PCDHGA11: variants seen among roughly 807,000 people sequenced by gnomAD.
PCDHGA11 encodes the protein protocadherin gamma-A11.
Under a neutral mutation model 60.4 loss-of-function variants are expected in PCDHGA11, and 39 were observed. The ratio of observed to expected loss-of-function variants is 0.65; its 90% CI spans 0.50 to 0.84. The LOEUF (loss-of-function observed/expected upper bound fraction) is 0.84. Ranked by LOEUF, PCDHGA11 falls within the 40% of genes least tolerant of loss-of-function variation. The pLI, the probability that PCDHGA11 is intolerant of heterozygous loss-of-function variation, is 0.00. For synonymous variants in PCDHGA11, 533 were observed against 510.3 expected, an observed-to-expected ratio of 1.04 and a Z score of -0.60; for missense variants, 1,165 against 1,197.7, an observed-to-expected ratio of 0.97 and a Z score of 0.40.
rs368371918 is a variant in PCDHGA11 at position 141,432,800 on chromosome 5, C to G, written c.2433+9140C>G. Reference sequence around the variant, plus strand: ...GGCGGACCTCGGCAGCCTCGAGTCTCCAGCTAACTCTGAAACCTCAGACCT... The same window carrying G: ...GGCGGACCTCGGCAGCCTCGAGTCTGCAGCTAACTCTGAAACCTCAGACCT... On this transcript the variant is annotated intron_variant, in intron 1 of 3. Coordinates refer to ENST00000398587, the MANE Select transcript of PCDHGA11 (RefSeq NM_018914.3). This position sits in a 1 kb window ranked among gnomAD's most constrained non-coding sequence, Gnocchi z 6.0. The G allele has an allele frequency of 9.9e-6, 16 of 1,614,038 alleles. No individual in the cohort carries two copies. Among genetic ancestry groups the G allele is most frequent in the Non-Finnish European group, 1.3e-5 (15 of 1,180,016 alleles).
chr5:141,432,366 A>T lies in PCDHGA11; in HGVS notation c.2433+8706A>T. The T allele has an allele frequency of 6.2e-7, 1 of 1,614,204 alleles. No homozygotes were observed. Among genetic ancestry groups the T allele is most frequent in the Non-Finnish European group, 8.5e-7 (1 of 1,180,034 alleles). On this transcript the variant is annotated intron_variant, in intron 1 of 3. Coordinates refer to ENST00000398587, the MANE Select transcript of PCDHGA11 (RefSeq NM_018914.3). This position sits in a 1 kb window ranked among gnomAD's most constrained non-coding sequence, Gnocchi z 6.0. Reference sequence around the variant, plus strand: ...TTGCAAGTGAAAGTGATGGCGCGGGACAACGGGCACCCGCCCCTCAGCAGC... The same window carrying T: ...TTGCAAGTGAAAGTGATGGCGCGGGTCAACGGGCACCCGCCCCTCAGCAGC...
Position 141,477,889 on chromosome 5 carries a change from A to T in PCDHGA11, c.2434-16918A>T. 1 of 1,614,152 alleles carries T rather than the reference A, an allele frequency of 6.2e-7. No homozygotes were observed. Among genetic ancestry groups the T allele is most frequent in the Admixed American group, 1.7e-5 (1 of 60,016 alleles). On this transcript the variant is annotated intron_variant, in intron 1 of 3. Coordinates refer to ENST00000398587, the MANE Select transcript of PCDHGA11 (RefSeq NM_018914.3). This position sits in a 1 kb window ranked among gnomAD's most constrained non-coding sequence, Gnocchi z 4.9. The stretch of plus-strand genomic sequence containing the variant: ...GTACCTCAGCTGGCCACCTAGTGTC[A>T]CGGGTGGTAGGCTGGGACGCGGATG...
At position 141,485,430 on chromosome 5, in the gene PCDHGA11, T is replaced by C; in HGVS notation, c.2434-9377T>C. The C allele has an allele frequency of 6.2e-7, 1 of 1,614,138 alleles. No individual in the cohort carries two copies. Among genetic ancestry groups the C allele is most frequent in the Non-Finnish European group, 8.5e-7 (1 of 1,180,022 alleles). On this transcript the variant is annotated intron_variant, in intron 1 of 3. Transcript: ENST00000398587. The surrounding 1 kb of genome is among the most constrained non-coding windows in gnomAD (Gnocchi z 5.7). ...GATTTGGACAGCGGAGCCCTGCTCA[T>C]CAAGAACCCAATCGACCGAGAGGCA... is the stretch of plus-strand genomic sequence containing the variant.
chr5:141,478,302 C>T lies in PCDHGA11; in HGVS notation c.2434-16505C>T. On this transcript the variant is annotated intron_variant, in intron 1 of 3. Transcript: ENST00000398587. ...AAGCAGTCTAGAGACCTATACCGAG[C>T]CCCGGTGAGCTCACTGTACCGAACA... 4 of 1,614,070 alleles carry T rather than the reference C, an allele frequency of 2.5e-6. No individual in the cohort carries two copies. Among genetic ancestry groups the T allele is most frequent in the Non-Finnish European group, 3.4e-6 (4 of 1,180,038 alleles).
Position 141,476,116 on chromosome 5 carries a change from G to C in PCDHGA11, c.2434-18691G>C, listed in dbSNP as rs367958555. On this transcript the variant is annotated intron_variant, in intron 1 of 3. Transcript: ENST00000398587. The surrounding 1 kb of genome is among the most constrained non-coding windows in gnomAD (Gnocchi z 7.6). ...GCTGAGAGGAACTGCTTTTGAGTGA[G>C]ATGGTCCCAGAGGCCTGGAGGAGCG... 504 of 1,593,954 alleles carry C rather than the reference G, an allele frequency of 3.2e-4. No individual in the cohort carries two copies. Among genetic ancestry groups the C allele is most frequent in the Non-Finnish European group, 4.1e-4 (479 of 1,172,292 alleles).
In PCDHGA11 at chr5:141,476,255, G is replaced by A. The variant is rs767691159; in HGVS notation, c.2434-18552G>A. 6.2e-7 allele frequency: 1 copy of A among 1,614,090 alleles called. No individual in the cohort carries two copies. Among genetic ancestry groups the A allele is most frequent in the Admixed American group, 1.7e-5 (1 of 60,022 alleles). ...GGAGGAAAGAGAGAAGGGTTTCGCT[G>A]TGGGCAACGTGGTCGCGAACCTTGG... On this transcript the variant is annotated intron_variant, in intron 1 of 3. Transcript: ENST00000398587. The surrounding 1 kb of genome is among the most constrained non-coding windows in gnomAD (Gnocchi z 7.6).
intron 1 of PCDHGA11, chr5:141,426,979 A>G (rs762085745): frequency 4.2e-5 from 19 of 456,640 alleles, no homozygotes; most frequent in Non-Finnish European, 7.5e-5. Flanking sequence ...GAGGTCACTG[A>G]TGCCAACGAT....
Position 141,486,772 on chromosome 5 carries a change from T to A in PCDHGA11, c.2434-8035T>A. ...ATGAGCAAACCCAGACACTGCAGTT[T>A]GAGGTGCAGGCCCGGGATCGGGGCA... is the stretch of plus-strand genomic sequence containing the variant. On this transcript the variant is annotated intron_variant, in intron 1 of 3. Coordinates refer to ENST00000398587, the MANE Select transcript of PCDHGA11 (RefSeq NM_018914.3). The surrounding 1 kb of genome is among the most constrained non-coding windows in gnomAD (Gnocchi z 5.0). 1 of 1,614,246 alleles carries A rather than the reference T, an allele frequency of 6.2e-7. No homozygotes were observed. Among genetic ancestry groups the A allele is most frequent in the South Asian group, 1.1e-5 (1 of 91,088 alleles).
Position 141,485,263 on chromosome 5 carries a change from G to A in PCDHGA11, c.2434-9544G>A. 1 of 1,614,162 alleles carries A rather than the reference G, an allele frequency of 6.2e-7. No individual in the cohort carries two copies. On this transcript the variant is annotated intron_variant, in intron 1 of 3. Transcript: ENST00000398587. This position sits in a 1 kb window ranked among gnomAD's most constrained non-coding sequence, Gnocchi z 5.7. ...ACCACCTGGGTTACGTTTGTGGGCA[G>A]ATCCGCTACCCGGTCCCAGAGGAGT...
intron 1 of PCDHGA11, chr5:141,441,802 T>C (rs2098274220): frequency 2.6e-6 from 1 of 382,538 alleles, no homozygotes; most frequent in South Asian, 2.1e-5. Flanking sequence ...GCACCGCGGG[T>C]GCTGTACCCC....
At position 141,476,396 on chromosome 5, in the gene PCDHGA11, C is replaced by A; in HGVS notation, c.2434-18411C>A. The A allele has an allele frequency of 6.2e-7, 1 of 1,614,032 alleles. No homozygotes were observed. Among genetic ancestry groups the A allele is most frequent in the Non-Finnish European group, 8.5e-7 (1 of 1,180,020 alleles). Reference sequence around the variant, plus strand: ...GATGTTTGTGAACGACCGTCTGGATCGAGAGGAGCTGTGTGGGACACTGCC... The same window carrying A: ...GATGTTTGTGAACGACCGTCTGGATAGAGAGGAGCTGTGTGGGACACTGCC... On this transcript the variant is annotated intron_variant, in intron 1 of 3. Transcript: ENST00000398587. The surrounding 1 kb of genome is among the most constrained non-coding windows in gnomAD (Gnocchi z 7.6).
chr5:141,453,214 A>T (rs1174586625), intron 1 of PCDHGA11, among the ~76,000 whole-genome samples: 2 of 152,058 alleles, frequency 1.3e-5, no homozygotes, highest in African/African-American at 4.8e-5. Flanking sequence ...CGTGCACTTA[A>T]GCGATCCTCC....
intron 1 of PCDHGA11, among the ~76,000 whole-genome samples, chr5:141,467,304 C>T (rs567912553): frequency 2.0e-5 from 3 of 152,266 alleles, no homozygotes; most frequent in Admixed American, 6.5e-5. Flanking sequence ...CCACTCACCT[C>T]GGCCTCCCAC....
chr5:141,479,845 A>T (rs895639749), intron 1 of PCDHGA11, among the ~76,000 whole-genome samples: 4 of 152,210 alleles, frequency 2.6e-5, no homozygotes, highest in Admixed American at 1.3e-4. Flanking sequence ...ATGCAAGGTG[A>T]CTGCAAGGCC....
intron 1 of PCDHGA11, chr5:141,492,027 A>T (rs1157170828): frequency 8.8e-6 from 5 of 565,466 alleles, no homozygotes; most frequent in African/African-American, 7.7e-5. Flanking sequence ...GGGTCCCGGG[A>T]GGAGGCAGTC....
At chr5:141,506,444 C>CAAA (rs1219684339) in intron 3 of PCDHGA11, among the ~76,000 whole-genome samples, 2 of 95,018 alleles carry the variant, frequency 2.1e-5, no homozygotes, top group African/African-American at 7.9e-5. Context: ...CGCTCTGTCT[C>CAAA]AAAAAAAAAA....
chr5:141,487,041 G>T lies in PCDHGA11; in HGVS notation c.2434-7766G>T, dbSNP rs149314216. Reference sequence around the variant, plus strand: ...GATCCCAGCCTGTTTGCAGTCTCTCGATATGCTGGGGAGGTGCGGACGGCT... The same window carrying T: ...GATCCCAGCCTGTTTGCAGTCTCTCTATATGCTGGGGAGGTGCGGACGGCT... On this transcript the variant is annotated intron_variant, in intron 1 of 3. Transcript: ENST00000398587. This position sits in a 1 kb window ranked among gnomAD's most constrained non-coding sequence, Gnocchi z 5.0. 6.2e-7 allele frequency: 1 copy of T among 1,614,132 alleles called. No homozygotes were observed. The highest frequency in any genetic ancestry group is 8.5e-7 in the Non-Finnish European group (1 of 1,180,030).
intron 1 of PCDHGA11, among the ~76,000 whole-genome samples, chr5:141,437,034 C>T (rs1282216386): frequency 1.3e-5 from 2 of 152,194 alleles, no homozygotes. Context: ...AAATGGATCA[C>T]CGAAACCAGA....
chr5:141,486,879 G>A lies in PCDHGA11; in HGVS notation c.2434-7928G>A, dbSNP rs1371072899. 7 of 1,614,228 alleles carry A rather than the reference G, an allele frequency of 4.3e-6. No homozygotes were observed. Among genetic ancestry groups the A allele is most frequent in the Non-Finnish European group, 4.2e-6 (5 of 1,180,046 alleles). On this transcript the variant is annotated intron_variant, in intron 1 of 3. Coordinates refer to ENST00000398587, the MANE Select transcript of PCDHGA11 (RefSeq NM_018914.3). The surrounding 1 kb of genome is among the most constrained non-coding windows in gnomAD (Gnocchi z 5.0). Reference sequence around the variant, plus strand: ...AATGCTCCAGCTGTGCTCCGTCCTCGGGCCCGGCCTGGTTCCTTATGTCCC... The same window carrying A: ...AATGCTCCAGCTGTGCTCCGTCCTCAGGCCCGGCCTGGTTCCTTATGTCCC...
Sources: gnomAD v4.1 joint callset for allele counts (sites outside exome capture counted in the v4.1 genomes callset) on GRCh38, gnomAD v4.1.1 for gene constraint, Gnocchi (gnomAD v3.1) non-coding constraint, MANE v1.5 for transcripts, NCBI Gene and HGNC (gene_info 2026-07-23, HGNC 2026-07-21) for gene names.